The following ENPP2 variants were observed in gnomAD, a reference collection of about 807,000 sequenced individuals.
The protein encoded by ENPP2 is autotaxin.
Under a neutral mutation model 120.2 loss-of-function variants are expected in ENPP2, and 51 were observed. The observed-to-expected ratio is 0.42, with a 90% CI of 0.34 to 0.54. ENPP2 has a LOEUF of 0.54. ENPP2 is among the 20% of genes least tolerant of loss of function. The pLI is 0.04. For missense variants in ENPP2, 920 were observed against 1,066.5 expected (o/e 0.86, Z 1.91); for synonymous variants, 365 against 366.4 (o/e 1.00, Z 0.04).
At chr8:119,558,584 A>C (rs1439179524) in intron 24 of ENPP2, among the ~76,000 whole-genome samples, 1 of 152,168 alleles carries the variant, frequency 6.6e-6, no homozygotes, top group African/African-American at 2.4e-5. Flanking sequence ...TGAAACTAAA[A>C]GGTAATTCAG....
intron 15 of ENPP2, among the ~76,000 whole-genome samples, chr8:119,584,584 T>C (rs1435079920): frequency 6.6e-6 from 1 of 152,232 alleles, no homozygotes; most frequent in Non-Finnish European, 1.5e-5. Flanking sequence ...TGCAAATTTA[T>C]CTATCAATAT....
chr8:119,607,706 G>GA (rs1186686333), intron 9 of ENPP2, among the ~76,000 whole-genome samples: 1 of 151,750 alleles, frequency 6.6e-6, no homozygotes, highest in African/African-American at 2.4e-5. Flanking sequence ...AGACAGGATG[G>GA]AAAAAAGGAG....
intron 8 of ENPP2, among the ~76,000 whole-genome samples, chr8:119,610,757 G>A (rs978803807): frequency 6.6e-6 from 1 of 151,982 alleles, no homozygotes; most frequent in African/African-American, 2.4e-5. Context: ...CAAAAAACCA[G>A]CCAGGAGTCG....
intron 1 of ENPP2, among the ~76,000 whole-genome samples, chr8:119,644,594 A>G (rs371665958): frequency 0.03 from 2,171 of 73,250 alleles, 64 homozygotes; most frequent in African/African-American, 0.1. Context: ...TAAAATATAT[A>G]TATATATATA....
intron 8 of ENPP2, among the ~76,000 whole-genome samples, chr8:119,612,937 T>A (rs1045717529): frequency 3.3e-5 from 5 of 152,204 alleles, no homozygotes; most frequent in Admixed American, 3.3e-4. Flanking sequence ...CTGCTTCTCT[T>A]AGAAACACCT....
chr8:119,588,528 CAAAAAAAAAAA>C (rs58771451), intron 13 of ENPP2, among the ~76,000 whole-genome samples: 8 of 68,198 alleles, frequency 1.2e-4, no homozygotes, highest in African/African-American at 4.5e-4. Flanking sequence ...AACTCCGCCT[CAAAAAAAAAAA>C]AAAAAAAAAA....
At chr8:119,619,806 G>T (rs1475759444) in intron 4 of ENPP2, among the ~76,000 whole-genome samples, 2 of 151,136 alleles carry the variant, frequency 1.3e-5, no homozygotes, top group East Asian at 3.9e-4. Context: ...TACAGCCCTT[G>T]AATTTAGAAA....
intron 11 of ENPP2, among the ~76,000 whole-genome samples, chr8:119,596,743 T>C (rs3793378): frequency 0.34 from 51,651 of 152,026 alleles, 9,447 homozygotes; most frequent in South Asian, 0.54. Flanking sequence ...ATCTCTTTTT[T>C]GTCTTGGTAT....
At chr8:119,568,606 A>AT (rs1281903819) in intron 21 of ENPP2, among the ~76,000 whole-genome samples, 15 of 148,372 alleles carry the variant, frequency 1.0e-4, no homozygotes, top group African/African-American at 1.7e-4. Flanking sequence ...AGGGCTTCAG[A>AT]TTTTTTTTTT....
At chr8:119,584,331 T>C (rs998305405) in intron 15 of ENPP2, among the ~76,000 whole-genome samples, 2 of 152,142 alleles carry the variant, frequency 1.3e-5, no homozygotes, top group Non-Finnish European at 1.5e-5. Flanking sequence ...TCAAAAGTCA[T>C]GCTCTGCCTG....
chr8:119,562,728 CCTTT>C (rs1814064939), intron 24 of ENPP2, 125 bp downstream of exon 24: 3 of 925,332 alleles, frequency 3.2e-6, no homozygotes, highest in Non-Finnish European at 4.8e-6. Context: ...CTGTTTGGTT[CCTTT>C]CTTTTTTCTG....
intron 13 of ENPP2, among the ~76,000 whole-genome samples, chr8:119,588,199 G>T (rs180910413): frequency 6.6e-6 from 1 of 152,062 alleles, no homozygotes; most frequent in Admixed American, 6.5e-5. Context: ...AATAATAATA[G>T]CCCGAATAGA....
intron 19 of ENPP2, among the ~76,000 whole-genome samples, chr8:119,574,221 C>T (rs1812177961): frequency 6.6e-6 from 1 of 152,014 alleles, no homozygotes; most frequent in Admixed American, 6.6e-5. Context: ...CTTGGGGGAG[C>T]CACCCACTGC....
chr8:119,601,539 G>A (rs1814308323), intron 9 of ENPP2, 77 bp from the exon 10 acceptor site: 1 of 1,031,308 alleles, frequency 9.7e-7, no homozygotes. Flanking sequence ...GCTCGCTCTT[G>A]CACCCAGGCC....
At chr8:119,564,494 A>C (rs1814232997) in intron 23 of ENPP2, among the ~76,000 whole-genome samples, 1 of 151,980 alleles carries the variant, frequency 6.6e-6, no homozygotes, top group African/African-American at 2.4e-5. Context: ...CCTGGCCAAC[A>C]TGGTGAAACC....
chr8:119,654,690 C>G (rs967645824), intron 1 of ENPP2, among the ~76,000 whole-genome samples: 1 of 151,786 alleles, frequency 6.6e-6, no homozygotes, highest in Admixed American at 6.6e-5. Context: ...TACAGAGAAG[C>G]ATATTTTGTC....
intron 18 of ENPP2, chr8:119,580,932 T>A (rs1423101336): frequency 2.6e-5 from 4 of 152,146 alleles, no homozygotes; most frequent in Non-Finnish European, 4.4e-5. Context: ...GTATAGGTTA[T>A]TTTAGGAAAC....
rs570494431 is a variant in ENPP2, at chr8:119,577,905, C to CA, written c.1780+2210dup. ...ACTTCAGGGATTTAAGTAAGAAACTCACGTTCCACTCAGAGCAGAGCAATG... is the reference window on the plus strand; with the variant it reads ...ACTTCAGGGATTTAAGTAAGAAACTCAACGTTCCACTCAGAGCAGAGCAATG... On this transcript the variant is annotated intron_variant, in intron 19 of 24. Coordinates refer to ENST00000075322, the MANE Select transcript of ENPP2 (RefSeq NM_001040092.3). Among the ~76,000 whole-genome samples, 1,169 of 152,316 alleles carry CA rather than the reference C, an allele frequency of 7.7e-3. 7 individuals are homozygous for CA. The highest frequency in any genetic ancestry group is 0.013 in the Non-Finnish European group (916 of 68,036).
rs150370902 is a variant in ENPP2, at chr8:119,626,661, G to A, written c.196C>T (p.Leu66Phe). Residue 66 changes from leucine to phenylalanine, a missense_variant, in exon 3 of 25, where the codon CTT becomes TTT. By Grantham distance (22) the Leu-to-Phe change is conservative. Coordinates refer to ENST00000075322, the MANE Select transcript of ENPP2 (RefSeq NM_001040092.3). Reference sequence around the variant, plus strand: ...CAATCAGGAGGTCCAGCCTCTTGAAGTTCAAAGCACCTGCCCTTGCAAGAT... The same window carrying A: ...CAATCAGGAGGTCCAGCCTCTTGAAATTCAAAGCACCTGCCCTTGCAAGAT... The part of the protein sequence containing the change: ...SGSCKGRCFE[L>F]QEAGPPDCRC... The A allele has an allele frequency of 4.7e-5, 76 of 1,613,980 alleles. No homozygotes were observed. The highest frequency in any genetic ancestry group is 5.9e-5 in the Non-Finnish European group (70 of 1,179,956).
Sources: allele counts gnomAD v4.1 joint callset (sites outside exome capture counted in the v4.1 genomes callset), GRCh38; gene constraint gnomAD v4.1.1; transcripts MANE v1.5; gene names NCBI Gene and HGNC (gene_info 2026-07-23, HGNC 2026-07-21).